CUX1: variants seen among roughly 807,000 people sequenced by gnomAD.
CUX1 encodes protein CASP.
In CUX1, 31 loss-of-function variants were observed where a neutral mutation model predicts 158.8. The ratio of observed to expected loss-of-function variants is 0.20; its 90% CI spans 0.15 to 0.26. CUX1 has a LOEUF of 0.26. Among genes scored for constraint, CUX1 ranks in the 10% least tolerant of loss-of-function variants. The pLI, the probability that CUX1 is intolerant of heterozygous loss-of-function variation, is 1.00. For missense variants in CUX1, 1,589 were observed against 2,014.6 expected (o/e 0.79, Z 4.04); for synonymous variants, 879 against 862.1 (o/e 1.02, Z -0.34).
intron 21 of CUX1, among the ~76,000 whole-genome samples, chr7:102,231,865 C>G (rs1308184891): frequency 1.3e-5 from 2 of 151,788 alleles, no homozygotes; most frequent in African/African-American, 4.8e-5. Flanking sequence ...AGGGGCCCAC[C>G]ACCACGCCCA....
intron 20 of CUX1, among the ~76,000 whole-genome samples, chr7:102,216,671 A>ACACACACACACGCCCC: frequency 2.2e-5 from 1 of 46,426 alleles, no homozygotes; most frequent in South Asian, 1.0e-3. Flanking sequence ...ACACACACTC[A>ACACACACACACGCCCC]CACACACACA....
Position 102,253,220 on chromosome 7 carries a change from C to T in CUX1, c.*4178C>T. On this transcript the variant is annotated 3_prime_UTR_variant, in exon 24 of 24. Transcript: ENST00000292535. ...TCCGGGCCCAGAGTGCAGCAGAGCT[C>T]TGGGTTAAATATTCCTTTCTGGCCA... 7 of 985,504 alleles carry T rather than the reference C, an allele frequency of 7.1e-6. No individual in the cohort carries two copies. Among genetic ancestry groups the T allele is most frequent in the Non-Finnish European group, 8.4e-6 (7 of 829,980 alleles). 61.0% of individuals were successfully genotyped at this position (985,504 alleles called of 1,614,324 possible).
chr7:101,904,774 GGC>G (rs1802563229), intron 1 of CUX1, among the ~76,000 whole-genome samples: 1 of 151,966 alleles, frequency 6.6e-6, no homozygotes, highest in African/African-American at 2.4e-5. Context: ...TCACCATGTT[GGC>G]CAGGCTGGTC....
intron 1 of CUX1, among the ~76,000 whole-genome samples, chr7:101,909,450 C>T (rs75710548): frequency 0.077 from 11,737 of 152,260 alleles, 948 homozygotes; most frequent in East Asian, 0.44. Flanking sequence ...CCCACCACCC[C>T]TTTCTAGCCA....
rs1157680140 is a variant in CUX1, at chr7:102,239,388, G to A, written c.3691G>A (p.Glu1231Lys). The stretch of plus-strand genomic sequence containing the variant: ...CTGCGAACCGCCCTCTGTCGGCACC[G>A]AGTACAGCCAGGGCGCCAGCCCCCA... ...QPCEPPSVGT[E>K]YSQGASPQPQ... The change falls in exon 23 of 24, where the codon GAG becomes AAG. Residue 1231 changes from glutamate (E) to lysine (K), a missense_variant. Around this residue, in one of 8 missense-constraint regions of CUX1, gnomAD observed 259 missense variants for 373.8 expected, o/e 0.69. Transcript: ENST00000292535. 5 of 1,613,208 alleles carry A rather than the reference G, an allele frequency of 3.1e-6. No individual in the cohort carries two copies. Among genetic ancestry groups the A allele is most frequent in the Admixed American group, 1.7e-5 (1 of 60,002 alleles).
chr7:102,006,901 C>T (rs563442274), intron 2 of CUX1, among the ~76,000 whole-genome samples: 1 of 152,222 alleles, frequency 6.6e-6, no homozygotes, highest in African/African-American at 2.4e-5. Context: ...CGGTGCAGGC[C>T]GGGATGCAGC....
At position 101,854,432 on chromosome 7, in the gene CUX1, C is replaced by T. The variant is rs569639279; in HGVS notation, c.30+36763C>T. On this transcript the variant is annotated intron_variant, in intron 1 of 23. Coordinates refer to ENST00000292535, the MANE Select transcript of CUX1 (RefSeq NM_181552.4). ...GAGGAAGCAGTGGGGGCTTTGGCAC[C>T]AGAGGCCTGGGCTCAAATCCTGCCT... Among the ~76,000 whole-genome samples, 372 of 152,192 alleles carry T rather than the reference C, an allele frequency of 2.4e-3. 3 individuals are homozygous for T. The highest frequency in any genetic ancestry group is 4.6e-3 in the Non-Finnish European group (312 of 67,980).
At chr7:101,945,153 T>C (rs1434582506) in intron 2 of CUX1, among the ~76,000 whole-genome samples, 1 of 151,404 alleles carries the variant, frequency 6.6e-6, no homozygotes, top group African/African-American at 2.4e-5. Flanking sequence ...GAGTCAGGGG[T>C]GGATGAGGTC....
chr7:102,046,672 G>A (rs1304747096), intron 3 of CUX1, among the ~76,000 whole-genome samples: 1 of 145,480 alleles, frequency 6.9e-6, no homozygotes, highest in Non-Finnish European at 1.5e-5. Flanking sequence ...GACCTCCTGG[G>A]CTCAAGCAGC....
chr7:101,856,022 A>G (rs1562932893), intron 1 of CUX1, among the ~76,000 whole-genome samples: 1 of 151,918 alleles, frequency 6.6e-6, no homozygotes, highest in African/African-American at 2.4e-5. Context: ...TGTACAAAAA[A>G]TAAGAAAAAT....
chr7:102,208,726 C>T (rs750536296), intron 20 of CUX1, among the ~76,000 whole-genome samples: 20 of 152,188 alleles, frequency 1.3e-4, no homozygotes, highest in Non-Finnish European at 2.5e-4. Context: ...TTCCGATTCC[C>T]TGTTCTTCCC....
At chr7:102,100,581 C>A (rs531124647) in intron 5 of CUX1, among the ~76,000 whole-genome samples, 4 of 152,312 alleles carry the variant, frequency 2.6e-5, no homozygotes, top group Admixed American at 6.5e-5. Context: ...TCCTCTCCCC[C>A]ACTTCCAAGA....
At chr7:102,024,429 CG>C in intron 2 of CUX1, among the ~76,000 whole-genome samples, 1 of 152,160 alleles carries the variant, frequency 6.6e-6, no homozygotes, top group East Asian at 1.9e-4. Context: ...GCGGTTTAAG[CG>C]ATCCTCCCAC....
upstream of CUX1, chr7:101,816,018 AAT>A: frequency 7.1e-7 from 1 of 1,418,290 alleles, no homozygotes; most frequent in South Asian, 1.2e-5. Flanking sequence ...ACTCCGTCTC[AAT>A]ATGTCTCAAG....
rs782757584 is a variant in CUX1 at position 102,227,476 on chromosome 7, C to A, written c.3240C>A (p.Pro1080=). The A allele has an allele frequency of 3.5e-5, 56 of 1,613,998 alleles. No homozygotes were observed. Among genetic ancestry groups the A allele is most frequent in the Non-Finnish European group, 4.4e-5 (52 of 1,180,040 alleles). ...AGCTGGTCCAGCAGCCCTGTCCCCC[C>A]ATCGAGGCGAGCAAGGACAGCAAGC... ...LTELVQQPCP[P]IEASKDSKPP... Residue 1080 remains proline (P), a synonymous_variant, in exon 21 of 24, where the codon CCC becomes CCA. Transcript: ENST00000292535.
intron 2 of CUX1, among the ~76,000 whole-genome samples, chr7:102,000,780 G>T (rs1039699414): frequency 1.5e-4 from 23 of 152,234 alleles, no homozygotes; most frequent in African/African-American, 5.5e-4. Flanking sequence ...GTTTTGTTTT[G>T]TTTGTAAGAG....
chr7:102,055,162 A>G (rs1823990152), intron 3 of CUX1, among the ~76,000 whole-genome samples: 2 of 152,014 alleles, frequency 1.3e-5, no homozygotes, highest in Admixed American at 6.6e-5. Context: ...TCTTTTGCCA[A>G]ATTTATTCGT....
chr7:102,162,266 G>A (rs1790520132), intron 9 of CUX1, among the ~76,000 whole-genome samples: 1 of 152,078 alleles, frequency 6.6e-6, no homozygotes, highest in Non-Finnish European at 1.5e-5. Context: ...AGAGGCTGGC[G>A]AGAGGAAACT....
chr7:101,990,516 A>T (rs1814965601), intron 2 of CUX1, among the ~76,000 whole-genome samples: 1 of 152,128 alleles, frequency 6.6e-6, no homozygotes, highest in African/African-American at 2.4e-5. Flanking sequence ...AGCTGGGATT[A>T]CAAGTGCCCA....
Sources: gnomAD v4.1 joint callset for allele counts (sites outside exome capture counted in the v4.1 genomes callset) on GRCh38, gnomAD v4.1.1 for gene constraint, gnomAD v4.1.1 regional missense constraint, MANE v1.5 for transcripts, NCBI Gene and HGNC (gene_info 2026-07-23, HGNC 2026-07-21) for gene names.